Variants in TTLL11 observed in about 807,000 individuals in gnomAD.
The protein encoded by TTLL11 is tubulin tyrosine ligase like 11.
In TTLL11, 42 loss-of-function variants were observed where a neutral mutation model predicts 51.7. That is an observed-to-expected ratio of 0.81 (90% confidence interval 0.64 to 1.05). The LOEUF (loss-of-function observed/expected upper bound fraction) is 1.05. Ranked by LOEUF, TTLL11 falls within the 50% of genes least tolerant of loss-of-function variation. TTLL11 has a pLI of 0.00. For synonymous variants in TTLL11, 381 were observed against 383.5 expected, an observed-to-expected ratio of 0.99 and a Z score of 0.08; for missense variants, 799 against 940.4, an observed-to-expected ratio of 0.85 and a Z score of 1.97.
At chr9:122,040,629 T>G (rs997921312) in intron 1 of TTLL11, among the ~76,000 whole-genome samples, 2 of 152,158 alleles carry the variant, frequency 1.3e-5, no homozygotes, top group Non-Finnish European at 2.9e-5. Context: ...TTTATCTACT[T>G]CAAGTTGAGG....
At chr9:122,006,092 C>T (rs1472898024) in intron 3 of TTLL11, among the ~76,000 whole-genome samples, 2 of 152,176 alleles carry the variant, frequency 1.3e-5, no homozygotes. Flanking sequence ...GTAATCCCAG[C>T]ACTTTAGGAG....
Position 121,870,659 on chromosome 9 carries a change from T to A in TTLL11, c.1571A>T (p.Glu524Val). The change falls in exon 7 of 9, where the codon GAA becomes GTA. Residue 524 changes from glutamate to valine, a missense_variant. By Grantham distance (121) the Glu-to-Val change is moderately radical (BLOSUM62 -2). This residue lies in a region of TTLL11 where 468 missense variants were observed against 612.8 expected (regional missense o/e 0.76). Coordinates refer to ENST00000321582, the MANE Select transcript of TTLL11 (RefSeq NM_001139442.2). ...TSAPDCNANP[E>V]AHLPSICLKQ... ...GAGGCAAATGGAAGGCAGGTGGGCT[T>A]CGGGGTTGGCGTTGCAGTCTGGAGC... is the stretch of plus-strand genomic sequence containing the variant. The A allele has an allele frequency of 6.4e-7, 1 of 1,551,726 alleles. No homozygotes were observed. The highest frequency in any genetic ancestry group is 2.0e-5 in the Admixed American group (1 of 50,996).
intron 6 of TTLL11, among the ~76,000 whole-genome samples, chr9:121,946,336 T>G (rs1191373383): frequency 6.6e-6 from 1 of 152,118 alleles, no homozygotes; most frequent in Non-Finnish European, 1.5e-5. Context: ...CAGAATCCTT[T>G]GCTCCTGGGC....
intron 3 of TTLL11, among the ~76,000 whole-genome samples, chr9:122,024,238 G>A (rs185506964): frequency 1.3e-5 from 2 of 152,202 alleles, no homozygotes; most frequent in African/African-American, 4.8e-5. Context: ...TGTGACAAAA[G>A]ATGTGAAATA....
chr9:121,897,511 T>G (rs1182246492), intron 6 of TTLL11, among the ~76,000 whole-genome samples: 2 of 151,968 alleles, frequency 1.3e-5, no homozygotes, highest in African/African-American at 2.4e-5. Context: ...TTGATCTAAT[T>G]TTCCCTTCTC....
rs141136256 is a variant in TTLL11, at chr9:122,029,761, A to G, written c.693+1962T>C. The stretch of plus-strand genomic sequence containing the variant: ...GTACAGTGTTTCTGAAGTCTGCAGT[A>G]GTATAATGTCCTAGGCCTTCACATT... On this transcript the variant is annotated intron_variant, in intron 3 of 8. Transcript: ENST00000321582. 2.2e-3 allele frequency among the ~76,000 whole-genome samples: 333 copies of G among 152,334 alleles called. 1 individual carries two copies. Among genetic ancestry groups the G allele is most frequent in the Non-Finnish European group, 3.7e-3 (253 of 68,032 alleles).
At chr9:121,832,790 A>T (rs979005014) in intron 8 of TTLL11, among the ~76,000 whole-genome samples, 6 of 152,132 alleles carry the variant, frequency 3.9e-5, no homozygotes, top group African/African-American at 1.4e-4. Context: ...AAATACAAAA[A>T]TTAACTAGGC....
At chr9:122,026,909 T>TAAAA in intron 3 of TTLL11, among the ~76,000 whole-genome samples, 1 of 119,922 alleles carries the variant, frequency 8.3e-6, no homozygotes, top group Non-Finnish European at 1.8e-5. Flanking sequence ...AAGTTCATTC[T>TAAAA]AAAAAAAAAA....
chr9:121,966,863 A>G (rs1161361051), intron 6 of TTLL11, among the ~76,000 whole-genome samples: 1 of 152,188 alleles, frequency 6.6e-6, no homozygotes, highest in African/African-American at 2.4e-5. Context: ...TCCACAACTC[A>G]AACAGCTTGC....
intron 5 of TTLL11, 137 bp downstream of exon 5, chr9:121,974,747 T>G: frequency 1.4e-6 from 1 of 714,750 alleles, no homozygotes. Context: ...TCAACAAAAC[T>G]GAAATTATTT....
chr9:122,035,666 C>T (rs1844681726), intron 2 of TTLL11, among the ~76,000 whole-genome samples: 1 of 152,204 alleles, frequency 6.6e-6, no homozygotes, highest in South Asian at 2.1e-4. Flanking sequence ...ATTCTGATTG[C>T]CACTAATTCA....
intron 6 of TTLL11, among the ~76,000 whole-genome samples, chr9:121,872,298 G>A (rs1838385801): frequency 6.6e-6 from 1 of 152,294 alleles, no homozygotes; most frequent in East Asian, 1.9e-4. Flanking sequence ...TCTCTCTCAT[G>A]CCTCATCCCT....
chr9:121,961,499 G>A (rs536482101), intron 6 of TTLL11, among the ~76,000 whole-genome samples: 5 of 151,786 alleles, frequency 3.3e-5, no homozygotes, highest in African/African-American at 1.2e-4. Context: ...TTACCCCCAA[G>A]AGTCTCGCTC....
intron 6 of TTLL11, among the ~76,000 whole-genome samples, chr9:121,972,898 C>T (rs1476197273): frequency 6.6e-6 from 1 of 152,224 alleles, no homozygotes. Flanking sequence ...GGTAGAGGAA[C>T]CTGCAAACCA....
chr9:122,053,311 G>C (rs1845210023), intron 1 of TTLL11, among the ~76,000 whole-genome samples: 1 of 152,178 alleles, frequency 6.6e-6, no homozygotes, highest in Non-Finnish European at 1.5e-5. Context: ...GGGGCCACTG[G>C]AGCGGGGCGT....
At position 121,815,756 on chromosome 9, in the gene TTLL11, G is replaced by A. The variant is rs1313871151; in HGVS notation, c.*6831C>T. On this transcript the variant is annotated 3_prime_UTR_variant, in exon 9 of 9. Coordinates refer to ENST00000321582, the MANE Select transcript of TTLL11 (RefSeq NM_001139442.2). ...TTATGAAGTTGCCAAGACAACTGAG[G>A]CCAAGTAACAGAACCTTGACTTTAT... 6.6e-6 allele frequency: 1 copy of A among 152,128 alleles called. No individual in the cohort carries two copies. The highest frequency in any genetic ancestry group is 1.9e-4 in the East Asian group (1 of 5,190). The allele number at this position is 152,128 out of a possible 1,614,324, so 9.4% of individuals were successfully genotyped here.
chr9:121,935,120 A>ATT (rs34653983), intron 6 of TTLL11, among the ~76,000 whole-genome samples: 37 of 147,880 alleles, frequency 2.5e-4, no homozygotes, highest in Admixed American at 2.7e-4. Context: ...ATGCCCGGCT[A>ATT]TTTTTTTTTT....
chr9:121,893,603 G>A (rs1839342161), intron 6 of TTLL11, among the ~76,000 whole-genome samples: 1 of 152,080 alleles, frequency 6.6e-6, no homozygotes, highest in Non-Finnish European at 1.5e-5. Context: ...CCCACTCTGC[G>A]ATGTTCCTTC....
In TTLL11 at chr9:121,864,548, G is replaced by A. The variant is rs148663719; in HGVS notation, c.1734-4105C>T. On this transcript the variant is annotated intron_variant, in intron 7 of 8. Coordinates refer to ENST00000321582, the MANE Select transcript of TTLL11 (RefSeq NM_001139442.2). ...TGTGCAGGTCATGGAAGCTCTCTGCGTCTACATTAGGAAATTTCGATTTGC... is the reference window on the plus strand; with the variant it reads ...TGTGCAGGTCATGGAAGCTCTCTGCATCTACATTAGGAAATTTCGATTTGC... Among the ~76,000 whole-genome samples the A allele has an allele frequency of 1.1e-3, 171 of 152,280 alleles. 2 individuals are homozygous for A. Among genetic ancestry groups the A allele is most frequent in the Admixed American group, 7.9e-3 (121 of 15,294 alleles).
Sources: allele counts gnomAD v4.1 joint callset (sites outside exome capture counted in the v4.1 genomes callset), GRCh38; gene constraint gnomAD v4.1.1; regional missense constraint gnomAD v4.1.1; transcripts MANE v1.5; gene names NCBI Gene and HGNC (gene_info 2026-07-23, HGNC 2026-07-21).